NALCN: variants seen among roughly 807,000 people sequenced by gnomAD.
NALCN encodes the protein sodium leak channel, non-selective.
In NALCN, 111 loss-of-function variants were observed where a neutral mutation model predicts 225.3. The ratio of observed to expected loss-of-function variants is 0.49; its 90% confidence interval spans 0.42 to 0.58. NALCN has a LOEUF of 0.58. Among genes scored for constraint, NALCN ranks in the 20% least tolerant of loss-of-function variants. The probability of loss-of-function intolerance (pLI) is 0.00; values close to 1 mark genes in which losing one functional copy is unlikely to be tolerated. For synonymous variants in NALCN, 764 were observed against 769.0 expected, an observed-to-expected ratio of 0.99 and a Z score of 0.11; for missense variants, 1,378 against 2,202.4, an observed-to-expected ratio of 0.63 and a Z score of 7.49.
chr13:101,141,303 T>C (rs868523467), intron 17 of NALCN, among the ~76,000 whole-genome samples: 39 of 152,120 alleles, frequency 2.6e-4, no homozygotes, highest in African/African-American at 7.7e-4. Context: ...ACTCCAAGGA[T>C]ACACAGAAAA....
At chr13:101,194,306 G>T (rs574833449) in intron 13 of NALCN, among the ~76,000 whole-genome samples, 1 of 152,280 alleles carries the variant, frequency 6.6e-6, no homozygotes, top group Non-Finnish European at 1.5e-5. Context: ...ATTGTGAGAT[G>T]CACTAAATTA....
intron 17 of NALCN, among the ~76,000 whole-genome samples, chr13:101,130,326 C>T (rs1405574972): frequency 6.6e-6 from 1 of 152,088 alleles, no homozygotes; most frequent in Non-Finnish European, 1.5e-5. Context: ...ATCTTCTTCC[C>T]GTTCACCTCC....
intron 33 of NALCN, among the ~76,000 whole-genome samples, chr13:101,082,596 C>G (rs116156139): frequency 2.6e-5 from 4 of 152,288 alleles, no homozygotes; most frequent in Middle Eastern, 3.4e-3. Context: ...ACACAACAAT[C>G]GACAGCAGCA....
At chr13:101,213,342 C>T (rs963433666) in intron 13 of NALCN, among the ~76,000 whole-genome samples, 1 of 152,144 alleles carries the variant, frequency 6.6e-6, no homozygotes, top group Non-Finnish European at 1.5e-5. Context: ...ACCATAAAAA[C>T]CCTAGAAGAA....
intron 18 of NALCN, among the ~76,000 whole-genome samples, chr13:101,115,474 C>T (rs967152929): frequency 2.6e-5 from 4 of 151,986 alleles, no homozygotes; most frequent in South Asian, 2.1e-4. Flanking sequence ...ACTTGCAAGC[C>T]GAAATAGTGA....
At chr13:101,349,627 AG>A (rs1371379923) in intron 6 of NALCN, among the ~76,000 whole-genome samples, 1 of 133,472 alleles carries the variant, frequency 7.5e-6, no homozygotes, top group African/African-American at 2.7e-5. Context: ...CATATTTCTT[AG>A]GCCATTCTGC....
At chr13:101,162,124 C>T (rs1240939389) in intron 15 of NALCN, among the ~76,000 whole-genome samples, 3 of 152,306 alleles carry the variant, frequency 2.0e-5, no homozygotes, top group Admixed American at 2.0e-4. Flanking sequence ...TCTTCATCCT[C>T]ACCCCTGACC....
intron 3 of NALCN, among the ~76,000 whole-genome samples, chr13:101,387,545 G>A (rs757817246): frequency 2.6e-5 from 4 of 152,178 alleles, no homozygotes; most frequent in Non-Finnish European, 4.4e-5. Flanking sequence ...AAATGTTAGT[G>A]AGAAAATGCA....
intron 2 of NALCN, among the ~76,000 whole-genome samples, chr13:101,397,429 C>T (rs2047341811): frequency 6.6e-6 from 1 of 150,488 alleles, no homozygotes; most frequent in South Asian, 2.1e-4. Flanking sequence ...ATTACATATA[C>T]ATGTTATATG....
intron 7 of NALCN, among the ~76,000 whole-genome samples, chr13:101,305,775 C>G (rs548514624): frequency 1.3e-5 from 2 of 152,166 alleles, no homozygotes; most frequent in Non-Finnish European, 2.9e-5. Flanking sequence ...AGTTGTTTAT[C>G]CTTTTTGTCC....
chr13:101,167,987 CT>C (rs1389057903), intron 15 of NALCN, among the ~76,000 whole-genome samples: 1 of 151,990 alleles, frequency 6.6e-6, no homozygotes, highest in African/African-American at 2.4e-5. Flanking sequence ...GTATTTTATT[CT>C]TTTTGGTGCT....
At chr13:101,258,372 A>C in intron 11 of NALCN, 71 bp downstream of exon 11, 1 of 1,586,830 alleles carries the variant, frequency 6.3e-7, no homozygotes, top group South Asian at 1.1e-5. Context: ...TCACTTTTGC[A>C]TCTCTAAGAG....
At position 101,389,109 on chromosome 13, in the gene NALCN, G is replaced by A. The variant is rs191927190; in HGVS notation, c.291+6074C>T. On this transcript the variant is annotated intron_variant, in intron 3 of 43. Transcript: ENST00000251127. ...CTGAACCTATGCTTATCTAAACCTA[G>A]TGCTTATAAAAACTAGCCTAGCCAC... Among the ~76,000 whole-genome samples the A allele has an allele frequency of 2.7e-4, 41 of 152,286 alleles. No individual in the cohort carries two copies. In the East Asian group the frequency reaches 4.4e-3, roughly 16 times the overall value.
At chr13:101,290,041 T>C (rs909589648) in intron 9 of NALCN, among the ~76,000 whole-genome samples, 1 of 152,216 alleles carries the variant, frequency 6.6e-6, no homozygotes, top group African/African-American at 2.4e-5. Flanking sequence ...TTTTTCTTAA[T>C]GAAGGTTTTT....
intron 7 of NALCN, among the ~76,000 whole-genome samples, chr13:101,314,612 C>T (rs986442974): frequency 3.9e-5 from 6 of 152,152 alleles, no homozygotes; most frequent in African/African-American, 7.2e-5. Flanking sequence ...CACAATATCA[C>T]CCACATAAAC....
intron 13 of NALCN, among the ~76,000 whole-genome samples, chr13:101,195,677 A>G (rs1405508072): frequency 1.3e-5 from 2 of 152,152 alleles, no homozygotes; most frequent in Non-Finnish European, 2.9e-5. Flanking sequence ...TTAGACATAG[A>G]CTTCTGCTAT....
chr13:101,130,068 C>T (rs952822945), intron 17 of NALCN, among the ~76,000 whole-genome samples: 2 of 152,118 alleles, frequency 1.3e-5, no homozygotes, highest in Non-Finnish European at 2.9e-5. Flanking sequence ...TATATGGCTG[C>T]ATAGTATTCC....
intron 11 of NALCN, among the ~76,000 whole-genome samples, chr13:101,257,997 T>A (rs542746165): frequency 4.6e-5 from 7 of 152,266 alleles, no homozygotes; most frequent in African/African-American, 1.4e-4. Flanking sequence ...GTAACACCCG[T>A]TTCTAGAGGA....
rs1044403679 is a variant in NALCN at position 101,415,570 on chromosome 13, G to T, written c.-40+743C>A. Among the ~76,000 whole-genome samples, 7 of 152,288 alleles carry T rather than the reference G, an allele frequency of 4.6e-5. No homozygotes were observed. The East Asian group carries it at 1.2e-3, about 25-fold the overall frequency. ...AAGTCAGCAAAATGACTGCGATCTG[G>T]GCCCCCAGAGGGATCCCAGCCAGGC... On this transcript the variant is annotated intron_variant, in intron 1 of 43. Coordinates refer to ENST00000251127, the MANE Select transcript of NALCN (RefSeq NM_052867.4).
Sources: allele counts gnomAD v4.1 joint callset (sites outside exome capture counted in the v4.1 genomes callset), GRCh38; gene constraint gnomAD v4.1.1; transcripts MANE v1.5; gene names NCBI Gene and HGNC (gene_info 2026-07-23, HGNC 2026-07-21).